SCHIP1: variants seen among roughly 807,000 people sequenced by gnomAD.
SCHIP1 encodes schwannomin-interacting protein 1.
A neutral mutation model predicts 29.7 loss-of-function variants in SCHIP1; 8 were observed. That is an observed-to-expected ratio of 0.27 (90% CI 0.16 to 0.49). The LOEUF (loss-of-function observed/expected upper bound fraction) is 0.49, where lower values mean the gene tolerates loss of function less well. Among genes scored for constraint, SCHIP1 ranks in the 20% least tolerant of loss-of-function variants. SCHIP1 has a pLI of 0.99. For synonymous variants in SCHIP1, 76 were observed against 94.9 expected (o/e 0.80, Z 1.16); for missense variants, 193 against 294.6 (o/e 0.66, Z 2.52).
At chr3:159,445,607 G>A in the SCHIP1 span, among the ~76,000 whole-genome samples, 1 of 152,122 alleles carries the variant, frequency 6.6e-6, no homozygotes, top group Admixed American at 6.6e-5. Flanking sequence ...ATTCACAATA[G>A]CAAAGACTTG....
At chr3:159,357,252 G>A in the SCHIP1 span, among the ~76,000 whole-genome samples, 1 of 152,312 alleles carries the variant, frequency 6.6e-6, no homozygotes, top group African/African-American at 2.4e-5. Context: ...AAGTTCAGGA[G>A]AGAGACCCCA....
the SCHIP1 span, among the ~76,000 whole-genome samples, chr3:159,282,954 A>G: frequency 6.6e-6 from 1 of 151,804 alleles, no homozygotes; most frequent in Non-Finnish European, 1.5e-5. Context: ...CTACAATTGT[A>G]TAGTTAAGAA....
At chr3:159,501,741 T>C in the SCHIP1 span, among the ~76,000 whole-genome samples, 2,498 of 152,352 alleles carry the variant, frequency 0.016, 74 homozygotes, top group African/African-American at 0.057. Flanking sequence ...CTACTATTTT[T>C]CCTAGATATA....
chr3:159,273,620 G>A, the SCHIP1 span: 3 of 1,302,098 alleles, frequency 2.3e-6, no homozygotes, highest in Non-Finnish European at 2.9e-6. Flanking sequence ...GAAGATTTCT[G>A]CTCCAAAATC....
chr3:159,629,164 A>C, the SCHIP1 span, among the ~76,000 whole-genome samples: 1 of 150,836 alleles, frequency 6.6e-6, no homozygotes, highest in African/African-American at 2.5e-5. Flanking sequence ...CACACACACA[A>C]CTTGATTACA....
At chr3:159,447,934 T>C in the SCHIP1 span, among the ~76,000 whole-genome samples, 1 of 152,164 alleles carries the variant, frequency 6.6e-6, no homozygotes, top group Non-Finnish European at 1.5e-5. Flanking sequence ...CCTTAAGGGA[T>C]GCAGAGTCTC....
the SCHIP1 span, among the ~76,000 whole-genome samples, chr3:159,626,086 T>TATATATA: frequency 9.7e-6 from 1 of 103,604 alleles, no homozygotes; most frequent in South Asian, 3.1e-4. Context: ...AGAGTGCAGC[T>TATATATA]TATATAGATA....
At chr3:159,388,734 A>G in the SCHIP1 span, among the ~76,000 whole-genome samples, 1 of 152,180 alleles carries the variant, frequency 6.6e-6, no homozygotes, top group Non-Finnish European at 1.5e-5. Context: ...TCAATGATAC[A>G]GAATATGGAC....
chr3:159,673,878 G>A, the SCHIP1 span, among the ~76,000 whole-genome samples: 158 of 152,262 alleles, frequency 1.0e-3, no homozygotes, highest in African/African-American at 3.6e-3. Context: ...GGGACACTGT[G>A]CTAGGCCCAG....
the SCHIP1 span, among the ~76,000 whole-genome samples, chr3:159,748,842 G>C: frequency 2.0e-5 from 3 of 152,282 alleles, no homozygotes; most frequent in East Asian, 1.9e-4. Context: ...GGATAATCTA[G>C]TTACTAAAAA....
At chr3:159,683,346 C>T in the SCHIP1 span, among the ~76,000 whole-genome samples, 14 of 152,284 alleles carry the variant, frequency 9.2e-5, no homozygotes, top group Admixed American at 5.9e-4. Flanking sequence ...CCACTGTTCC[C>T]GGCCCAGGAA....
the SCHIP1 span, among the ~76,000 whole-genome samples, chr3:159,317,722 A>AGCT: frequency 1.3e-5 from 2 of 152,192 alleles, no homozygotes; most frequent in Admixed American, 1.3e-4. Context: ...GCACTTCTTT[A>AGCT]GCTGTAGAGT....
chr3:159,376,343 A>C, the SCHIP1 span, among the ~76,000 whole-genome samples: 2 of 152,170 alleles, frequency 1.3e-5, no homozygotes, highest in Non-Finnish European at 2.9e-5. Flanking sequence ...TTTCTGGGCC[A>C]GTTCTGCACT....
At chr3:159,441,855 A>G in the SCHIP1 span, among the ~76,000 whole-genome samples, 1 of 151,704 alleles carries the variant, frequency 6.6e-6, no homozygotes, top group Non-Finnish European at 1.5e-5. Flanking sequence ...TATTATTATT[A>G]TTACTATTAT....
intron 2 of SCHIP1, among the ~76,000 whole-genome samples, chr3:159,871,792 C>A (rs1194677010): frequency 6.7e-6 from 1 of 150,074 alleles, no homozygotes; most frequent in Non-Finnish European, 1.5e-5. Flanking sequence ...CATCTCTTTG[C>A]CACCTCAGCT....
the SCHIP1 span, among the ~76,000 whole-genome samples, chr3:159,452,137 CTTT>C: frequency 2.8e-5 from 4 of 142,076 alleles, no homozygotes; most frequent in East Asian, 2.0e-4. Flanking sequence ...AACATTTCTT[CTTT>C]TTTTTTTTTT....
chr3:159,890,869 C>T (rs1391862712), intron 5 of SCHIP1, among the ~76,000 whole-genome samples: 1 of 152,042 alleles, frequency 6.6e-6, no homozygotes, highest in African/African-American at 2.4e-5. Flanking sequence ...AAAGCATTTC[C>T]AAGGGGGACC....
chr3:159,543,633 T>G, the SCHIP1 span, among the ~76,000 whole-genome samples: 1 of 151,692 alleles, frequency 6.6e-6, no homozygotes, highest in African/African-American at 2.4e-5. Context: ...GACATTTGGG[T>G]TGGTTCCAAG....
the SCHIP1 span, among the ~76,000 whole-genome samples, chr3:159,687,529 C>T: frequency 2.6e-5 from 4 of 152,232 alleles, no homozygotes; most frequent in Middle Eastern, 0.01. Flanking sequence ...TCCCCCACCC[C>T]ACAAAAAAAT....
Sources: allele counts gnomAD v4.1 joint callset (sites outside exome capture counted in the v4.1 genomes callset), GRCh38; gene constraint gnomAD v4.1.1; transcripts MANE v1.5; gene names NCBI Gene and HGNC (gene_info 2026-07-23, HGNC 2026-07-21).